CDH9: variants seen among roughly 807,000 people sequenced by gnomAD.
The protein encoded by CDH9 is cadherin-9.
CDH9 carries 28 observed loss-of-function variants against 70.9 expected under a neutral mutation model. That is an observed-to-expected ratio of 0.40 (90% CI 0.29 to 0.54). The LOEUF is 0.54. CDH9 is among the 20% of genes least tolerant of loss of function. The pLI is 0.59. For missense variants in CDH9, 874 were observed against 984.4 expected (o/e 0.89, Z 1.50); for synonymous variants, 409 against 343.1 (o/e 1.19, Z -2.12).
intron 9 of CDH9, among the ~76,000 whole-genome samples, chr5:26,889,258 A>G (rs986111907): frequency 5.9e-5 from 9 of 152,072 alleles, no homozygotes; most frequent in Admixed American, 5.2e-4. Context: ...CATATTCTGC[A>G]TTTATTTAGA....
intron 1 of CDH9, among the ~76,000 whole-genome samples, chr5:26,992,612 C>T (rs977447915): frequency 3.3e-5 from 5 of 152,064 alleles, no homozygotes; most frequent in Non-Finnish European, 7.3e-5. Flanking sequence ...AAGTGGGTTG[C>T]TACTATAACA....
intron 2 of CDH9, among the ~76,000 whole-genome samples, chr5:26,932,758 C>A (rs1172618954): frequency 1.3e-5 from 2 of 151,736 alleles, no homozygotes; most frequent in Non-Finnish European, 2.9e-5. Context: ...AAATTATTGT[C>A]TTATTGGATT....
chr5:26,885,578 G>T, intron 11 of CDH9, 36 bp downstream of exon 11: 2 of 1,584,260 alleles, frequency 1.3e-6, no homozygotes, highest in Non-Finnish European at 1.7e-6. Flanking sequence ...AGAGATTTTT[G>T]TGAGTTAAAG....
chr5:26,990,893 C>T (rs759169960), intron 1 of CDH9, among the ~76,000 whole-genome samples: 5 of 152,088 alleles, frequency 3.3e-5, no homozygotes, highest in Non-Finnish European at 7.4e-5. Context: ...AACTATGATG[C>T]CCATTTTGTG....
chr5:26,890,355 A>G, intron 8 of CDH9, 73 bp downstream of exon 8: 2 of 1,256,718 alleles, frequency 1.6e-6, no homozygotes, highest in South Asian at 1.3e-5. Flanking sequence ...CAAGAAAATG[A>G]GTCTAGCTGG....
intron 2 of CDH9, among the ~76,000 whole-genome samples, chr5:26,935,316 C>A (rs1217362143): frequency 6.6e-6 from 1 of 152,126 alleles, no homozygotes; most frequent in African/African-American, 2.4e-5. Flanking sequence ...TTACCCCTAA[C>A]ATGAGAAACA....
intron 2 of CDH9, among the ~76,000 whole-genome samples, chr5:26,941,804 A>T (rs1267507736): frequency 6.6e-6 from 1 of 152,160 alleles, no homozygotes; most frequent in African/African-American, 2.4e-5. Flanking sequence ...ACGGTCAAGG[A>T]AACTGGGTAA....
At chr5:26,958,693 C>A (rs184641723) in intron 2 of CDH9, among the ~76,000 whole-genome samples, 1 of 151,928 alleles carries the variant, frequency 6.6e-6, no homozygotes, top group African/African-American at 2.4e-5. Flanking sequence ...GCTTAGTATA[C>A]GCAGAAATAA....
intron 2 of CDH9, among the ~76,000 whole-genome samples, chr5:26,976,582 C>T (rs752144748): frequency 3.3e-5 from 5 of 151,970 alleles, no homozygotes; most frequent in Non-Finnish European, 5.9e-5. Context: ...AGACCACAGG[C>T]GCAGGACACC....
intron 1 of CDH9, among the ~76,000 whole-genome samples, chr5:26,996,970 CA>C (rs1257262430): frequency 1.3e-5 from 2 of 151,886 alleles, no homozygotes; most frequent in Non-Finnish European, 2.9e-5. Flanking sequence ...CTATCACCAT[CA>C]AATGTCCAGC....
chr5:26,988,109 G>C lies in CDH9; in HGVS notation c.225C>G (p.Gly75=), dbSNP rs1292782127. Residue 75 remains glycine, a synonymous_variant, in exon 2 of 12, where the codon GGC becomes GGG. Transcript: ENST00000231021. ...TTTCTCATACAAAAATTCTTACCTT[G>C]CCTACATATTGTGTGTCAGTACCTG... ...EYTGTDTQYV[G]KLHTDQDKGD... is the part of the protein sequence containing the mutation. The C allele has an allele frequency of 6.2e-7, 1 of 1,601,964 alleles. No individual in the cohort carries two copies. Among genetic ancestry groups the C allele is most frequent in the Non-Finnish European group, 8.5e-7 (1 of 1,171,096 alleles).
chr5:26,987,034 T>G (rs1579495724), intron 2 of CDH9, among the ~76,000 whole-genome samples: 1 of 151,320 alleles, frequency 6.6e-6, no homozygotes, highest in East Asian at 1.9e-4. Flanking sequence ...ACAGAGCAAA[T>G]GTATTCCTGT....
intron 11 of CDH9, among the ~76,000 whole-genome samples, chr5:26,885,202 G>A (rs903180452): frequency 1.3e-5 from 2 of 152,128 alleles, no homozygotes; most frequent in Non-Finnish European, 2.9e-5. Context: ...ATCTGTGTTT[G>A]AATACTAGCT....
intron 6 of CDH9, 197 bp downstream of exon 6, chr5:26,903,440 C>G (rs1345701577): frequency 1.5e-6 from 1 of 679,164 alleles, no homozygotes; most frequent in Non-Finnish European, 2.7e-6. Flanking sequence ...TTAGCATGAA[C>G]AACTGAGGTT....
rs541154525 is a variant in CDH9 at position 26,885,648 on chromosome 5, G to A, written c.1848C>T (p.Leu616=). 7 of 1,613,544 alleles carry A rather than the reference G, an allele frequency of 4.3e-6. No individual in the cohort carries two copies. The highest frequency in any genetic ancestry group is 3.3e-5 in the Admixed American group (2 of 59,894). Residue 616 remains leucine, a synonymous_variant, in exon 11 of 12, where the codon CTC becomes CTT. Transcript: ENST00000231021. ...ILSAGLSTGA[L]VAILLCVLIL... ...TGAGGACACAGAGTAGAATCGCAAC[G>A]AGAGCTCCCGTGCTCAGGCCGGCTG... is the stretch of plus-strand genomic sequence containing the variant.
At chr5:26,928,213 T>C (rs2112020575) in intron 2 of CDH9, among the ~76,000 whole-genome samples, 1 of 152,058 alleles carries the variant, frequency 6.6e-6, no homozygotes, top group South Asian at 2.1e-4. Flanking sequence ...GTAAGCACTC[T>C]GAAAAAGAAA....
rs571257268 is a variant in CDH9, at chr5:26,981,612, C to T, written c.228+6494G>A. Among the ~76,000 whole-genome samples, 28 of 151,946 alleles carry T rather than the reference C, an allele frequency of 1.8e-4. 1 individual carries two copies. The South Asian group carries it at 5.4e-3, about 29-fold the overall frequency. On this transcript the variant is annotated intron_variant, in intron 2 of 11. Transcript: ENST00000231021. ...TGGATCATGTTTTTATACATGCTTG[C>T]ATGTATAAAACCAGAGAGTCTAAAC... is the stretch of plus-strand genomic sequence containing the variant.
chr5:26,915,544 C>T (rs775570516), intron 3 of CDH9, 86 bp downstream of exon 3: 9 of 765,668 alleles, frequency 1.2e-5, no homozygotes, highest in African/African-American at 3.5e-5. Flanking sequence ...CTGAAAGAGG[C>T]CACATATCAT....
intron 1 of CDH9, among the ~76,000 whole-genome samples, chr5:27,036,333 G>A (rs1579526888): frequency 6.6e-6 from 1 of 151,870 alleles, no homozygotes; most frequent in East Asian, 1.9e-4. Flanking sequence ...ACGTTCAGAT[G>A]AGCTTCTGAT....
Sources: gnomAD v4.1 joint callset for allele counts (sites outside exome capture counted in the v4.1 genomes callset) on GRCh38, gnomAD v4.1.1 for gene constraint, MANE v1.5 for transcripts, NCBI Gene and HGNC (gene_info 2026-07-23, HGNC 2026-07-21) for gene names.